ZNF782: variants seen among roughly 807,000 people sequenced by gnomAD.
The protein encoded by ZNF782 is zinc finger protein 782.
A neutral mutation model predicts 13.0 loss-of-function variants in ZNF782; 12 were observed. That is an observed-to-expected ratio of 0.92 (90% CI 0.59 to 1.50). ZNF782 has a LOEUF of 1.50. ZNF782 is among the 40% of genes most tolerant of loss of function. The pLI, the probability that ZNF782 is intolerant of heterozygous loss-of-function variation, is 0.00. For synonymous variants in ZNF782, 284 were observed against 283.0 expected, an observed-to-expected ratio of 1.00 and a Z score of -0.04; for missense variants, 770 against 822.9, an observed-to-expected ratio of 0.94 and a Z score of 0.79.
chr9:96,887,425 C>T, the ZNF782 span: 1 of 152,146 alleles, frequency 6.6e-6, no homozygotes, highest in African/African-American at 2.4e-5. Context: ...TGCTACAAGG[C>T]AATTCTTCAA....
rs772676816 is a variant in ZNF782, at chr9:96,818,785, T to A, written c.1238A>T (p.Gln413Leu). 6.2e-7 allele frequency: 1 copy of A among 1,614,014 alleles called. No homozygotes were observed. Residue 413 changes from glutamine to leucine, a missense_variant, in exon 6 of 6, where the codon CAG becomes CTG. Transcript: ENST00000481138. ...TGGTTTCTCTCCCGTGTGAGTTCTCTGATGTTTTCTTAGGCGTGACTTCTC... is the reference window on the plus strand; with the variant it reads ...TGGTTTCTCTCCCGTGTGAGTTCTCAGATGTTTTCTTAGGCGTGACTTCTC... ...FSEKSRLRKH[Q>L]RTHTGEKPYK...
chr9:96,912,184 T>C, the ZNF782 span, among the ~76,000 whole-genome samples: 1 of 109,204 alleles, frequency 9.2e-6, no homozygotes, highest in African/African-American at 3.7e-5. Flanking sequence ...TGGGCAAGAG[T>C]GAAACTCCGT....
At chr9:96,861,443 T>G (rs1434313094) in intron 2 of ZNF782, 1 of 152,844 alleles carries the variant, frequency 6.5e-6, no homozygotes, top group Non-Finnish European at 1.5e-5. Context: ...TGAATACACA[T>G]TTCTCAAAAG....
At chr9:96,930,535 A>G in the ZNF782 span, among the ~76,000 whole-genome samples, 1 of 147,970 alleles carries the variant, frequency 6.8e-6, no homozygotes, top group Non-Finnish European at 1.5e-5. Flanking sequence ...AAAAAAAAAA[A>G]AAAGAAAAAA....
chr9:96,818,448 A>G lies in ZNF782; in HGVS notation c.1575T>C (p.His525=), dbSNP rs374450950. The change falls in exon 6 of 6, where the codon CAT becomes CAC. Residue 525 remains histidine (H), a synonymous_variant. Coordinates refer to ENST00000481138, the MANE Select transcript of ZNF782 (RefSeq NM_001001662.3). ...FKLKSGLRKH[H]RTHTGEKPYK... is the part of the protein sequence containing the mutation. ...AGGGCTTCTCCCCTGTGTGTGTTCT[A>G]TGATGTTTCCTCAGGCCTGACTTCA... 1.6e-4 allele frequency: 254 copies of G among 1,609,426 alleles called. No individual in the cohort carries two copies. The highest frequency in any genetic ancestry group is 1.9e-4 in the Non-Finnish European group (227 of 1,178,502).
chr9:96,887,162 A>C, the ZNF782 span, among the ~76,000 whole-genome samples: 2 of 150,952 alleles, frequency 1.3e-5, no homozygotes, highest in Non-Finnish European at 2.9e-5. Flanking sequence ...AAAAATACAA[A>C]AATTAGCCAG....
Position 96,819,267 on chromosome 9 carries a change from T to A in ZNF782, c.756A>T (p.Lys252Asn). The A allele has an allele frequency of 6.2e-7, 1 of 1,613,408 alleles. No individual in the cohort carries two copies. Among genetic ancestry groups the A allele is most frequent in the Non-Finnish European group, 8.5e-7 (1 of 1,179,828 alleles). ...SYNFNKFGENKYDKSTFIIPQ... is the reference protein window; with the variant it reads ...SYNFNKFGENNYDKSTFIIPQ... ...GAATAATAAAGGTTGATTTATCATATTTGTTTTCCCCAAATTTATTGAAAT... is the reference window on the plus strand; with the variant it reads ...GAATAATAAAGGTTGATTTATCATAATTGTTTTCCCCAAATTTATTGAAAT... The change falls in exon 6 of 6, where the codon AAA becomes AAT. Residue 252 changes from lysine (K) to asparagine (N), a missense_variant. Lys to Asn is a moderately conservative substitution (Grantham distance 94). Coordinates refer to ENST00000481138, the MANE Select transcript of ZNF782 (RefSeq NM_001001662.3).
At chr9:96,927,268 T>C in the ZNF782 span, among the ~76,000 whole-genome samples, 7 of 152,182 alleles carry the variant, frequency 4.6e-5, no homozygotes, top group African/African-American at 1.4e-4. Flanking sequence ...GTGGTTAGCA[T>C]CCTTGCTTGT....
At chr9:96,890,731 A>G in the ZNF782 span, 1 of 152,238 alleles carries the variant, frequency 6.6e-6, no homozygotes, top group South Asian at 2.1e-4. Context: ...GTTTGGATGT[A>G]AAATGTTACA....
At chr9:96,870,167 A>G (rs546638204) in intron 1 of ZNF782, among the ~76,000 whole-genome samples, 24 of 152,320 alleles carry the variant, frequency 1.6e-4, no homozygotes, top group Non-Finnish European at 3.2e-4. Flanking sequence ...GGGAGTCTGC[A>G]TGTGTGGCTT....
chr9:96,851,817 A>G, intron 3 of ZNF782, 130 bp downstream of exon 3: 1 of 943,762 alleles, frequency 1.1e-6, no homozygotes, highest in Non-Finnish European at 1.6e-6. Flanking sequence ...AGCAGAGTTC[A>G]TGGTGAAACT....
Position 96,874,751 on chromosome 9 carries a change from C to T in ZNF782, c.-457+717G>A, listed in dbSNP as rs1171963728. Among the ~76,000 whole-genome samples the T allele has an allele frequency of 3.9e-5, 6 of 152,154 alleles. No individual in the cohort carries two copies. In the South Asian group the frequency reaches 8.3e-4, roughly 21 times the overall value. ...GAAAGATTCCTGTTCCCAGTGGCCC[C>T]CTGCTTCCTAATTCACAAGAGCTGC... is the stretch of plus-strand genomic sequence containing the variant. On this transcript the variant is annotated intron_variant, in intron 1 of 5. Coordinates refer to the ZNF782 transcript ENST00000498811.
At chr9:96,930,217 C>T in the ZNF782 span, among the ~76,000 whole-genome samples, 6 of 151,632 alleles carry the variant, frequency 4.0e-5, no homozygotes, top group East Asian at 9.8e-4. Context: ...TTTAGTGTAA[C>T]ATGACTAGCA....
the ZNF782 span, among the ~76,000 whole-genome samples, chr9:96,917,386 A>C: frequency 2.6e-5 from 4 of 151,822 alleles, no homozygotes; most frequent in African/African-American, 9.7e-5. Context: ...AGCTACATAA[A>C]TAACTAACAA....
At chr9:96,866,076 C>T (rs1851750522) in intron 1 of ZNF782, among the ~76,000 whole-genome samples, 1 of 152,084 alleles carries the variant, frequency 6.6e-6, no homozygotes, top group Non-Finnish European at 1.5e-5. Flanking sequence ...AAAGAAAATC[C>T]CATTTTCTGA....
At chr9:96,884,228 C>T in the ZNF782 span, among the ~76,000 whole-genome samples, 2 of 152,192 alleles carry the variant, frequency 1.3e-5, no homozygotes. Flanking sequence ...CTGATTCCCC[C>T]ACAGGGGTAG....
intron 3 of ZNF782, among the ~76,000 whole-genome samples, chr9:96,846,905 C>T (rs570627659): frequency 5.3e-5 from 8 of 152,204 alleles, no homozygotes; most frequent in African/African-American, 9.6e-5. Flanking sequence ...CATCAGCACA[C>T]GGGACATTCT....
chr9:96,862,151 GA>G (rs1851708085), intron 1 of ZNF782, among the ~76,000 whole-genome samples: 1 of 152,166 alleles, frequency 6.6e-6, no homozygotes, highest in Non-Finnish European at 1.5e-5. Context: ...AGCGAAGCAA[GA>G]AAGACAAACT....
the ZNF782 span, among the ~76,000 whole-genome samples, chr9:96,930,807 G>A: frequency 3.4e-5 from 5 of 146,910 alleles, no homozygotes; most frequent in Admixed American, 2.8e-4. Flanking sequence ...CATGCTGGGC[G>A]TTATGTGTTA....
Sources: allele counts gnomAD v4.1 joint callset (sites outside exome capture counted in the v4.1 genomes callset), GRCh38; gene constraint gnomAD v4.1.1; transcripts MANE v1.5; gene names NCBI Gene and HGNC (gene_info 2026-07-23, HGNC 2026-07-21).